Variants in BCL2 observed in about 807,000 individuals in gnomAD.
BCL2 encodes the protein BCL2 apoptosis regulator.
BCL2 carries 1 observed loss-of-function variant against 14.2 expected under a neutral mutation model. The ratio of observed to expected loss-of-function variants is 0.07; its 90% CI spans 0.02 to 0.33. The LOEUF is 0.33. BCL2 is among the 10% of genes least tolerant of loss of function. The pLI, the probability that BCL2 is intolerant of heterozygous loss-of-function variation, is 0.99. For synonymous variants in BCL2, 151 were observed against 137.2 expected, an observed-to-expected ratio of 1.10 and a Z score of -0.70; for missense variants, 247 against 305.9, an observed-to-expected ratio of 0.81 and a Z score of 1.44.
chr18:63,151,493 G>T (rs1187668946), intron 2 of BCL2, among the ~76,000 whole-genome samples: 1 of 128,772 alleles, frequency 7.8e-6, no homozygotes, highest in Admixed American at 8.4e-5. Context: ...TAGATGGGGG[G>T]CGATAACAGA....
At chr18:63,227,152 A>G (rs1262645860) in intron 2 of BCL2, among the ~76,000 whole-genome samples, 4 of 152,236 alleles carry the variant, frequency 2.6e-5, no homozygotes, top group African/African-American at 7.2e-5. Flanking sequence ...ACAAATCAAA[A>G]GGTAATGAAA....
chr18:63,169,336 C>CCTTCCTTCCTTTCTTTCTTT (rs1555697353), intron 2 of BCL2, among the ~76,000 whole-genome samples: 4 of 62,092 alleles, frequency 6.4e-5, no homozygotes, highest in East Asian at 5.4e-4. Flanking sequence ...TCCTTTCCTT[C>CCTTCCTTCCTTTCTTTCTTT]CTTTCTTTCT....
chr18:63,278,862 G>C (rs891550374), intron 2 of BCL2, among the ~76,000 whole-genome samples: 1 of 152,122 alleles, frequency 6.6e-6, no homozygotes, highest in Admixed American at 6.6e-5. Context: ...GAAAAGAATA[G>C]ACAGACTCAT....
chr18:63,292,634 GCAA>G (rs1464225807), intron 2 of BCL2, among the ~76,000 whole-genome samples: 2 of 152,168 alleles, frequency 1.3e-5, no homozygotes, highest in Non-Finnish European at 2.9e-5. Context: ...TTGAAGAAAG[GCAA>G]TGAAAGAACC....
At chr18:63,236,853 T>G (rs1910849612) in intron 2 of BCL2, among the ~76,000 whole-genome samples, 1 of 152,204 alleles carries the variant, frequency 6.6e-6, no homozygotes, top group Non-Finnish European at 1.5e-5. Flanking sequence ...CAGGTCCCTT[T>G]TCTGCTCTGG....
intron 2 of BCL2, among the ~76,000 whole-genome samples, chr18:63,301,433 C>T (rs192598626): frequency 6.6e-6 from 1 of 152,164 alleles, no homozygotes; most frequent in Admixed American, 6.5e-5. Context: ...TACATACATA[C>T]GTATGCATAT....
intron 2 of BCL2, among the ~76,000 whole-genome samples, chr18:63,300,248 T>G (rs1912922575): frequency 6.6e-6 from 1 of 152,092 alleles, no homozygotes; most frequent in Non-Finnish European, 1.5e-5. Flanking sequence ...TGAGTCAAGT[T>G]CCTACTAATT....
chr18:63,171,500 C>G (rs1176528237), intron 2 of BCL2, among the ~76,000 whole-genome samples: 1 of 152,138 alleles, frequency 6.6e-6, no homozygotes, highest in Non-Finnish European at 1.5e-5. Flanking sequence ...GGGCAAAGCA[C>G]TTATAATCAT....
intron 2 of BCL2, among the ~76,000 whole-genome samples, chr18:63,289,257 G>T (rs1912567824): frequency 6.6e-6 from 1 of 152,028 alleles, no homozygotes; most frequent in African/African-American, 2.4e-5. Flanking sequence ...ATGTGACAAG[G>T]CCTGGAAAAA....
chr18:63,305,621 G>T (rs757068148), intron 2 of BCL2, among the ~76,000 whole-genome samples: 10 of 151,314 alleles, frequency 6.6e-5, no homozygotes, highest in Non-Finnish European at 1.2e-4. Context: ...TTTTTCACCC[G>T]GAAAAAAATT....
In BCL2 at chr18:63,149,844, C is replaced by CATTTATTTATTT. The variant is rs372022076; in HGVS notation, c.586-21097_586-21086dup. Among the ~76,000 whole-genome samples the CATTTATTTATTT allele has an allele frequency of 6.8e-6, 1 of 147,276 alleles. No homozygotes were observed. The highest frequency in any genetic ancestry group is 6.8e-5 in the Admixed American group (1 of 14,760). ...CAGAAAGGGTTCTCCTGACATGAGG[C>CATTTATTTATTT]ATTTATTTATTTATTTATTTATTTA... is the stretch of plus-strand genomic sequence containing the variant. On this transcript the variant is annotated intron_variant, in intron 2 of 2. Coordinates refer to ENST00000333681, the MANE Select transcript of BCL2 (RefSeq NM_000633.3). The surrounding 1 kb of genome is among the most constrained non-coding windows in gnomAD (Gnocchi z 4.2).
intron 2 of BCL2, among the ~76,000 whole-genome samples, chr18:63,200,914 G>T (rs536613422): frequency 6.6e-6 from 1 of 152,130 alleles, no homozygotes; most frequent in Admixed American, 6.5e-5. Context: ...GAGCCACTGC[G>T]CCTGGGCCAA....
In BCL2 at chr18:63,246,950, A is replaced by G. The variant is rs563200375; in HGVS notation, c.585+71132T>C. 3.3e-5 allele frequency among the ~76,000 whole-genome samples: 5 copies of G among 152,336 alleles called. 1 individual carries two copies. The South Asian group carries it at 1.0e-3, about 32-fold the overall frequency. ...AATTAATGATCATCTAGGTTAGTTT[A>G]TGTAGGTAATGATCATTTTTATGTT... On this transcript the variant is annotated intron_variant, in intron 2 of 2. Coordinates refer to ENST00000333681, the MANE Select transcript of BCL2 (RefSeq NM_000633.3).
At chr18:63,134,289 G>A (rs2144590525) in intron 2 of BCL2, among the ~76,000 whole-genome samples, 1 of 152,178 alleles carries the variant, frequency 6.6e-6, no homozygotes, top group African/African-American at 2.4e-5. Context: ...CATTCTAAGT[G>A]CTTACTTAAT....
intron 2 of BCL2, among the ~76,000 whole-genome samples, chr18:63,212,882 C>CA (rs67260148): frequency 9.9e-5 from 15 of 151,842 alleles, no homozygotes; most frequent in Admixed American, 7.2e-4. Flanking sequence ...TCTCAAAAAA[C>CA]AAAAAAAAAG....
At chr18:63,179,294 T>C (rs1276905276) in intron 2 of BCL2, among the ~76,000 whole-genome samples, 1 of 152,134 alleles carries the variant, frequency 6.6e-6, no homozygotes, top group Non-Finnish European at 1.5e-5. Flanking sequence ...TCTCTAGACA[T>C]GGGCAGAAAA....
intron 2 of BCL2, among the ~76,000 whole-genome samples, chr18:63,211,455 G>A (rs1910001042): frequency 6.6e-6 from 1 of 152,052 alleles, no homozygotes; most frequent in Non-Finnish European, 1.5e-5. Flanking sequence ...GGTTTTCTAA[G>A]CTCATGAAAA....
At chr18:63,150,300 G>T (rs1308606944) in intron 2 of BCL2, among the ~76,000 whole-genome samples, 1 of 152,234 alleles carries the variant, frequency 6.6e-6, no homozygotes, top group Non-Finnish European at 1.5e-5. Context: ...TGGCAAGATG[G>T]CTAAGGTTTC....
At chr18:63,244,326 C>T (rs150198568) in intron 2 of BCL2, among the ~76,000 whole-genome samples, 2,575 of 152,100 alleles carry the variant, frequency 0.017, 65 homozygotes, top group African/African-American at 0.059. Context: ...TGCAGTGAGC[C>T]GAGATCGCGC....
Sources: allele counts gnomAD v4.1 joint callset (sites outside exome capture counted in the v4.1 genomes callset), GRCh38; gene constraint gnomAD v4.1.1; non-coding constraint Gnocchi (gnomAD v3.1); transcripts MANE v1.5; gene names NCBI Gene and HGNC (gene_info 2026-07-23, HGNC 2026-07-21).